CHL1: variants seen among roughly 807,000 people sequenced by gnomAD.
The protein encoded by CHL1 is cell adhesion molecule L1 like, also known as neural cell adhesion molecule L1-like protein.
CHL1 carries 96 observed loss-of-function variants against 141.9 expected under a neutral mutation model. The observed-to-expected ratio is 0.68, with a 90% CI of 0.57 to 0.80. CHL1 has a LOEUF of 0.80. Ranked by LOEUF, CHL1 falls within the 30% of genes least tolerant of loss-of-function variation. The probability of loss-of-function intolerance (pLI) is 0.00; values close to 1 mark genes in which losing one functional copy is unlikely to be tolerated. For synonymous variants in CHL1, 613 were observed against 502.2 expected (o/e 1.22, Z -2.95); for missense variants, 1,820 against 1,457.2 (o/e 1.25, Z -4.05).
chr3:230,371 G>A (rs1365383576), intron 1 of CHL1, among the ~76,000 whole-genome samples: 5 of 152,120 alleles, frequency 3.3e-5, no homozygotes, highest in African/African-American at 9.7e-5. Context: ...TGCATCCACA[G>A]CCTGTTCACA....
At chr3:257,035 A>G (rs1461311401) in intron 2 of CHL1, among the ~76,000 whole-genome samples, 1 of 152,124 alleles carries the variant, frequency 6.6e-6, no homozygotes, top group Non-Finnish European at 1.5e-5. Flanking sequence ...ACATTCTCTA[A>G]TTAGTTATTC....
chr3:357,086 G>A (rs766807757), intron 11 of CHL1, among the ~76,000 whole-genome samples: 17 of 152,316 alleles, frequency 1.1e-4, no homozygotes, highest in Non-Finnish European at 2.2e-4. Flanking sequence ...GTTAATGGAT[G>A]AGGAGGTCAA....
At position 382,193 on chromosome 3, in the gene CHL1, C is replaced by T; in HGVS notation, c.1891C>T (p.Pro631Ser). ...QVTVLDVPDPPENLHLSERQN... is the reference protein window; with the variant it reads ...QVTVLDVPDPSENLHLSERQN... ...TTATTAATTAGATGTTCCGGATCCA[C>T]CAGAAAACCTTCACTTGTCTGAAAG... The change falls in exon 17 of 28, where the codon CCA becomes TCA. Residue 631 changes from proline to serine, a missense_variant. By Grantham distance (74) the Pro-to-Ser change is moderately conservative (BLOSUM62 -1). Coordinates refer to ENST00000256509, the MANE Select transcript of CHL1 (RefSeq NM_006614.4). 3 of 1,613,260 alleles carry T rather than the reference C, an allele frequency of 1.9e-6. No homozygotes were observed. Among genetic ancestry groups the T allele is most frequent in the Non-Finnish European group, 2.5e-6 (3 of 1,179,506 alleles).
chr3:387,300 C>T (rs1489011981), intron 19 of CHL1, among the ~76,000 whole-genome samples: 1 of 152,194 alleles, frequency 6.6e-6, no homozygotes, highest in Non-Finnish European at 1.5e-5. Flanking sequence ...AGACTCCTTC[C>T]TCGTGGGCTC....
intron 16 of CHL1, among the ~76,000 whole-genome samples, chr3:380,290 G>A (rs1489967273): frequency 2.0e-5 from 3 of 152,154 alleles, no homozygotes; most frequent in Non-Finnish European, 2.9e-5. Flanking sequence ...AATTGGAAAC[G>A]ATGCTTTTTG....
chr3:295,783 C>T (rs911133787), intron 2 of CHL1, among the ~76,000 whole-genome samples: 3 of 152,268 alleles, frequency 2.0e-5, no homozygotes, highest in Non-Finnish European at 4.4e-5. Flanking sequence ...TTTGTACTTC[C>T]GTTACTATTA....
chr3:345,450 ATT>A (rs1559287815), intron 9 of CHL1, among the ~76,000 whole-genome samples: 1 of 136,604 alleles, frequency 7.3e-6, no homozygotes, highest in Non-Finnish European at 1.7e-5. Flanking sequence ...CCATTTATTT[ATT>A]TATTTATTTA....
chr3:233,013 T>C (rs979680439), intron 1 of CHL1, among the ~76,000 whole-genome samples: 2 of 152,046 alleles, frequency 1.3e-5, no homozygotes, highest in Non-Finnish European at 2.9e-5. Flanking sequence ...TCCTTTTTTT[T>C]TTTTCTTTCT....
intron 15 of CHL1, among the ~76,000 whole-genome samples, chr3:368,188 G>C (rs966716811): frequency 2.0e-5 from 3 of 152,124 alleles, no homozygotes; most frequent in Admixed American, 6.5e-5. Flanking sequence ...CTTCCACAAC[G>C]GTTGAACTAA....
At chr3:383,964 A>T in intron 19 of CHL1, 78 bp downstream of exon 19, 1 of 885,610 alleles carries the variant, frequency 1.1e-6, no homozygotes, top group Non-Finnish European at 1.8e-6. Flanking sequence ...CTACAATGAT[A>T]GCACAACATT....
intron 2 of CHL1, among the ~76,000 whole-genome samples, chr3:300,963 T>C (rs552620085): frequency 1.8e-4 from 27 of 152,194 alleles, no homozygotes; most frequent in Admixed American, 8.5e-4. Flanking sequence ...GAACATGTAA[T>C]TGAAGCTCAG....
chr3:358,244 G>C (rs1484769620), intron 11 of CHL1, among the ~76,000 whole-genome samples: 2 of 152,074 alleles, frequency 1.3e-5, no homozygotes, highest in Non-Finnish European at 2.9e-5. Flanking sequence ...TTTCCAGGCT[G>C]CCCACATTCC....
At chr3:258,301 G>T (rs935583991) in intron 2 of CHL1, among the ~76,000 whole-genome samples, 2 of 152,176 alleles carry the variant, frequency 1.3e-5, no homozygotes, top group African/African-American at 4.8e-5. Flanking sequence ...GGTTGTTTCA[G>T]GCAACAAGAC....
At chr3:402,115 T>G (rs967247425) in intron 27 of CHL1, among the ~76,000 whole-genome samples, 1 of 152,150 alleles carries the variant, frequency 6.6e-6, no homozygotes, top group Non-Finnish European at 1.5e-5. Context: ...ATGAACCTGA[T>G]CAGCAGAGAA....
chr3:229,563 A>G (rs556196938), intron 1 of CHL1, among the ~76,000 whole-genome samples: 2 of 152,200 alleles, frequency 1.3e-5, no homozygotes, highest in Non-Finnish European at 2.9e-5. Context: ...TACGTAGCTT[A>G]GTATTTTCCA....
intron 1 of CHL1, among the ~76,000 whole-genome samples, chr3:243,482 G>A (rs1469253966): frequency 6.6e-6 from 1 of 152,134 alleles, no homozygotes; most frequent in African/African-American, 2.4e-5. Context: ...GCTGAAAAGA[G>A]GTTACTAAAC....
At chr3:353,133 C>G (rs1002014850) in intron 10 of CHL1, among the ~76,000 whole-genome samples, 6 of 152,084 alleles carry the variant, frequency 3.9e-5, no homozygotes, top group South Asian at 2.1e-4. Context: ...ACTAATATTA[C>G]TAATAGTCCT....
chr3:249,017 G>T (rs1037439169), intron 2 of CHL1, among the ~76,000 whole-genome samples: 1 of 152,164 alleles, frequency 6.6e-6, no homozygotes, highest in Non-Finnish European at 1.5e-5. Context: ...TGCTATTTTT[G>T]CCCTAAGGCA....
chr3:274,931 G>A (rs1006032514), intron 2 of CHL1, among the ~76,000 whole-genome samples: 2 of 152,212 alleles, frequency 1.3e-5, no homozygotes, highest in African/African-American at 4.8e-5. Flanking sequence ...GTGGACGCAT[G>A]TAGCTTACTA....
Sources: gnomAD v4.1 joint callset for allele counts (sites outside exome capture counted in the v4.1 genomes callset) on GRCh38, gnomAD v4.1.1 for gene constraint, MANE v1.5 for transcripts, NCBI Gene and HGNC (gene_info 2026-07-23, HGNC 2026-07-21) for gene names.